ATP6V1A: variants seen among roughly 807,000 people sequenced by gnomAD.
The protein encoded by ATP6V1A is V-type proton ATPase catalytic subunit A.
Under a neutral mutation model 70.1 loss-of-function variants are expected in ATP6V1A, and 18 were observed. The observed-to-expected ratio is 0.26, with a 90% CI of 0.18 to 0.38. ATP6V1A has a LOEUF of 0.38. Ranked by LOEUF, ATP6V1A falls within the 10% of genes least tolerant of loss-of-function variation. The probability of loss-of-function intolerance (pLI) is 1.00; values close to 1 mark genes in which losing one functional copy is unlikely to be tolerated. For missense variants in ATP6V1A, 424 were observed against 772.4 expected, an observed-to-expected ratio of 0.55 and a Z score of 5.35; for synonymous variants, 232 against 253.8, an observed-to-expected ratio of 0.91 and a Z score of 0.82.
At chr3:113,774,491 T>G (rs1708885992) in intron 1 of ATP6V1A, among the ~76,000 whole-genome samples, 4 of 152,052 alleles carry the variant, frequency 2.6e-5, no homozygotes, top group Admixed American at 2.6e-4. Flanking sequence ...AAATTCAAAG[T>G]CTTCAAACCG....
At chr3:113,804,818 A>G (rs775425203) in intron 13 of ATP6V1A, among the ~76,000 whole-genome samples, 4 of 152,256 alleles carry the variant, frequency 2.6e-5, no homozygotes, top group Non-Finnish European at 1.5e-5. Flanking sequence ...GAAGTTGAAT[A>G]TTTGTTCACG....
At chr3:113,766,859 G>A (rs573969239) in intron 1 of ATP6V1A, among the ~76,000 whole-genome samples, 2 of 152,136 alleles carry the variant, frequency 1.3e-5, no homozygotes, top group Non-Finnish European at 2.9e-5. Flanking sequence ...ATAGCTAAAG[G>A]TGAAAACTAC....
At position 113,764,877 on chromosome 3, in the gene ATP6V1A, T is replaced by TG. The variant is rs758330760; in HGVS notation, c.-13-13858dup. On this transcript the variant is annotated intron_variant, in intron 1 of 14. Coordinates refer to ENST00000273398, the MANE Select transcript of ATP6V1A (RefSeq NM_001690.4). ...CATGCCTGTAATCCCAGCACTGAGGTGGGGGGATCACTTGAGCCCTGGAGG... is the reference window on the plus strand; with the variant it reads ...CATGCCTGTAATCCCAGCACTGAGGTGGGGGGGATCACTTGAGCCCTGGAGG... Among the ~76,000 whole-genome samples the TG allele has an allele frequency of 1.1e-3, 162 of 151,022 alleles. 1 individual carries two copies. Among genetic ancestry groups the TG allele is most frequent in the Non-Finnish European group, 1.2e-3 (78 of 67,792 alleles).
At position 113,798,520 on chromosome 3, in the gene ATP6V1A, G is replaced by T; in HGVS notation, c.1494+74G>T. ...TGTTTCAAGGACAGATAGAGCCTTG[G>T]ATATTACAGATTCTTGCCTAGCAAA... On this transcript the variant is annotated intron_variant, in intron 12 of 14. Transcript: ENST00000273398. 4 of 1,289,914 alleles carry T rather than the reference G, an allele frequency of 3.1e-6. No homozygotes were observed. The South Asian group carries it at 6.5e-5, about 21-fold the overall frequency. 79.9% of individuals were successfully genotyped at this position (1,289,914 alleles called of 1,614,324 possible).
In ATP6V1A at chr3:113,809,600, C is replaced by T; in HGVS notation, c.*173C>T. ...TTTGGTAGGTCTTATATAAAACAAA[C>T]ATTCCTTTGTTCTAGTGTTGTGAAG... On this transcript the variant is annotated 3_prime_UTR_variant, in exon 15 of 15. Coordinates refer to ENST00000273398, the MANE Select transcript of ATP6V1A (RefSeq NM_001690.4). 1.9e-6 allele frequency: 1 copy of T among 534,930 alleles called. No individual in the cohort carries two copies. The highest frequency in any genetic ancestry group is 2.4e-5 in the South Asian group (1 of 41,862). 33.1% of individuals were successfully genotyped at this position (534,930 alleles called of 1,614,324 possible).
intron 10 of ATP6V1A, 59 bp downstream of exon 10, chr3:113,795,263 A>AG: frequency 1.3e-6 from 2 of 1,533,978 alleles, no homozygotes; most frequent in Non-Finnish European, 8.9e-7. Context: ...TATTAAAGAG[A>AG]GAAAAAAAGT....
At chr3:113,807,334 C>T (rs2108047353) in intron 14 of ATP6V1A, among the ~76,000 whole-genome samples, 2 of 152,074 alleles carry the variant, frequency 1.3e-5, no homozygotes, top group Admixed American at 1.3e-4. Context: ...GTGCATTCAC[C>T]ACACCCAGCT....
At chr3:113,787,929 C>T (rs943396538) in intron 6 of ATP6V1A, among the ~76,000 whole-genome samples, 1 of 152,168 alleles carries the variant, frequency 6.6e-6, no homozygotes, top group East Asian at 1.9e-4. Flanking sequence ...CTCTGTCTCT[C>T]GCTTTTTAAG....
chr3:113,778,602 T>TA (rs1349819991), intron 1 of ATP6V1A, 139 bp from the exon 2 acceptor site: 3 of 449,314 alleles, frequency 6.7e-6, no homozygotes, highest in Non-Finnish European at 1.1e-5. Context: ...GGAATTTTTT[T>TA]ATTCTACTTT....
chr3:113,786,149 C>T, intron 5 of ATP6V1A, 83 bp from the exon 6 acceptor site: 1 of 1,333,312 alleles, frequency 7.5e-7, no homozygotes, highest in African/African-American at 1.5e-5. Context: ...TTCCTAACCC[C>T]AAGGAGAATC....
intron 1 of ATP6V1A, among the ~76,000 whole-genome samples, chr3:113,752,810 A>G (rs1213475143): frequency 6.6e-6 from 1 of 152,152 alleles, no homozygotes; most frequent in Non-Finnish European, 1.5e-5. Context: ...AGAAGAAAAT[A>G]TAATTGATCC....
intron 12 of ATP6V1A, among the ~76,000 whole-genome samples, chr3:113,801,699 T>C (rs1183794634): frequency 6.6e-6 from 1 of 151,924 alleles, no homozygotes; most frequent in Non-Finnish European, 1.5e-5. Context: ...GAGGATGAAA[T>C]ACATGAGAGC....
At position 113,803,612 on chromosome 3, in the gene ATP6V1A, T is replaced by C. The variant is rs1490718433; in HGVS notation, c.1524T>C (p.Thr508=). 2 of 1,611,986 alleles carry C rather than the reference T, an allele frequency of 1.2e-6. No homozygotes were observed. The highest frequency in any genetic ancestry group is 2.7e-5 in the African/African-American group (2 of 74,896). The change falls in exon 13 of 15, where the codon ACT becomes ACC. Residue 508 remains threonine, a synonymous_variant. Transcript: ENST00000273398. ...CTTTGGCAGAAACAGATAAAATCAC[T>C]CTGGAGGTAGCAAAACTTATCAAAG... ...KASLAETDKI[T]LEVAKLIKDD...
At chr3:113,785,056 C>A (rs1369775254) in intron 5 of ATP6V1A, among the ~76,000 whole-genome samples, 1 of 152,096 alleles carries the variant, frequency 6.6e-6, no homozygotes, top group African/African-American at 2.4e-5. Context: ...AGTTTTCTAC[C>A]ATATTAACTG....
intron 1 of ATP6V1A, among the ~76,000 whole-genome samples, chr3:113,775,841 GATTGAA>G (rs1708905536): frequency 6.6e-6 from 1 of 152,170 alleles, no homozygotes; most frequent in African/African-American, 2.4e-5. Context: ...ATTTTCTGAA[GATTGAA>G]ATTTCACCTC....
chr3:113,749,213 C>T (rs530781835), intron 1 of ATP6V1A, among the ~76,000 whole-genome samples: 1 of 151,168 alleles, frequency 6.6e-6, no homozygotes, highest in African/African-American at 2.4e-5. Flanking sequence ...TTGGTGATTA[C>T]ATTGCTAGTA....
intron 1 of ATP6V1A, among the ~76,000 whole-genome samples, chr3:113,752,371 A>G (rs1305160923): frequency 6.6e-6 from 1 of 151,924 alleles, no homozygotes; most frequent in African/African-American, 2.4e-5. Context: ...TAGTATATAC[A>G]TATGGAAAAA....
In ATP6V1A at chr3:113,809,505, C is replaced by T. The variant is rs1709317054; in HGVS notation, c.*78C>T. The T allele has an allele frequency of 3.0e-6, 4 of 1,317,486 alleles. No individual in the cohort carries two copies. The highest frequency in any genetic ancestry group is 4.3e-6 in the Non-Finnish European group (4 of 937,266). 81.6% of individuals were successfully genotyped at this position (1,317,486 alleles called of 1,614,324 possible). A position where few individuals can be genotyped will look rare whatever the true frequency, so the allele number is the denominator to read the frequency against. On this transcript the variant is annotated 3_prime_UTR_variant, in exon 15 of 15. Transcript: ENST00000273398. ...GTATATTTTCCTGAATTTCTCATCT[C>T]AAACCCTTTGCTTCTTTATTGTGCA...
In ATP6V1A at chr3:113,792,061, A is replaced by C. The variant is rs115321978; in HGVS notation, c.988+2221A>C. 9.8e-3 allele frequency among the ~76,000 whole-genome samples: 1,488 copies of C among 152,186 alleles called. 22 individuals carry two copies. The highest frequency in any genetic ancestry group is 0.063 in the South Asian group (304 of 4,826). On this transcript the variant is annotated intron_variant, in intron 8 of 14. Transcript: ENST00000273398. ...ATGTCTCCTAGTTTTTAATGACTAA[A>C]TTTGTATTTCTGTATTTCTTGTTCT...
Sources: allele counts gnomAD v4.1 joint callset (sites outside exome capture counted in the v4.1 genomes callset), GRCh38; gene constraint gnomAD v4.1.1; transcripts MANE v1.5; gene names NCBI Gene and HGNC (gene_info 2026-07-23, HGNC 2026-07-21).